BICRAL: variants seen among roughly 807,000 people sequenced by gnomAD.
BICRAL encodes BICRA like chromatin remodeling complex associated protein, also known as BRD4-interacting chromatin-remodeling complex-associated protein-like.
Under a neutral mutation model 91.8 loss-of-function variants are expected in BICRAL, and 8 were observed. The observed-to-expected ratio is 0.09, with a 90% CI of 0.05 to 0.16. BICRAL has a LOEUF of 0.16. BICRAL is among the 10% of genes least tolerant of loss of function. The pLI, the probability that BICRAL is intolerant of heterozygous loss-of-function variation, is 1.00. For missense variants in BICRAL, 1,038 were observed against 1,310.9 expected, an observed-to-expected ratio of 0.79 and a Z score of 3.21; for synonymous variants, 445 against 491.1, an observed-to-expected ratio of 0.91 and a Z score of 1.24.
At chr6:42,834,230 A>G (rs1281020528) in intron 6 of BICRAL, among the ~76,000 whole-genome samples, 2 of 152,224 alleles carry the variant, frequency 1.3e-5, no homozygotes, top group Admixed American at 6.5e-5. Context: ...CAGGATTGCC[A>G]CAGAAGTGAG....
intron 1 of BICRAL, among the ~76,000 whole-genome samples, chr6:42,798,703 G>GA (rs1473437072): frequency 1.3e-5 from 2 of 151,716 alleles, no homozygotes; most frequent in African/African-American, 2.4e-5. Context: ...CATAAAATCA[G>GA]AAAAAAAATT....
intron 1 of BICRAL, among the ~76,000 whole-genome samples, chr6:42,782,941 C>G (rs944407211): frequency 6.3e-5 from 9 of 142,710 alleles, no homozygotes; most frequent in African/African-American, 2.0e-4. Context: ...ATCACATTTT[C>G]TTTCTTCTCG....
At chr6:42,860,445 A>G in intron 11 of BICRAL, 89 bp downstream of exon 11, 2 of 744,850 alleles carry the variant, frequency 2.7e-6, no homozygotes, top group Non-Finnish European at 4.6e-6. Context: ...GAATTATAGA[A>G]TATAATGTAA....
In BICRAL at chr6:42,747,868, G is replaced by C. The variant is rs1376917664; in HGVS notation, c.-261+845G>C. ...GTTGCCCAGGCTGGAGTGCAATGGC[G>C]CGATCTCGGCTCACCGCTATCCGCC... is the stretch of plus-strand genomic sequence containing the variant. On this transcript the variant is annotated intron_variant, in intron 1 of 14. Coordinates refer to the BICRAL transcript ENST00000614467. 3.4e-5 allele frequency among the ~76,000 whole-genome samples: 5 copies of C among 148,354 alleles called. No homozygotes were observed. The East Asian group carries it at 1.0e-3, about 30-fold the overall frequency.
intron 6 of BICRAL, among the ~76,000 whole-genome samples, chr6:42,849,368 G>A (rs528380774): frequency 6.6e-6 from 1 of 152,024 alleles, no homozygotes; most frequent in South Asian, 2.1e-4. Flanking sequence ...TTACAGGCAT[G>A]AGTCACCACA....
At chr6:42,814,497 G>A (rs1362925757) in intron 2 of BICRAL, among the ~76,000 whole-genome samples, 18 of 71,738 alleles carry the variant, frequency 2.5e-4, no homozygotes, top group African/African-American at 1.3e-3. Context: ...GTGTGTGTGT[G>A]TGTATATATA....
intron 1 of BICRAL, among the ~76,000 whole-genome samples, chr6:42,804,116 G>A (rs1381575156): frequency 3.9e-5 from 6 of 152,114 alleles, no homozygotes; most frequent in Non-Finnish European, 5.9e-5. Flanking sequence ...TCTGCCTCCC[G>A]GGTTCAAGCG....
rs1238710562 is a variant in BICRAL at position 42,756,915 on chromosome 6, C to T, written c.-261+9892C>T. ...CTCTCTCTCTCTCTCTCTCTCTCTC[C>T]CTCTCCCCCCCCCCCACCCTCCCTC... On this transcript the variant is annotated intron_variant, in intron 1 of 14. Transcript: ENST00000614467. 1.1e-3 allele frequency among the ~76,000 whole-genome samples: 100 copies of T among 90,318 alleles called. 2 individuals carry two copies. The highest frequency in any genetic ancestry group is 2.5e-3 in the Admixed American group (22 of 8,930). The allele number at this position is 90,318 out of a possible 152,430, so 59.3% of individuals were successfully genotyped here. A position where few individuals can be genotyped will look rare whatever the true frequency, so the allele number is the denominator to read the frequency against.
chr6:42,758,370 G>T (rs865894170), intron 1 of BICRAL, among the ~76,000 whole-genome samples: 1 of 152,100 alleles, frequency 6.6e-6, no homozygotes. Flanking sequence ...TCTGGCCCGC[G>T]GTGTACCTCA....
Position 42,862,608 on chromosome 6 carries a change from C to A in BICRAL, c.2448C>A (p.Asp816Glu), listed in dbSNP as rs772284538. The A allele has an allele frequency of 1.1e-5, 17 of 1,580,132 alleles. No individual in the cohort carries two copies. In the South Asian group the frequency reaches 1.9e-4, roughly 17 times the overall value. ...LSRDKRLALV[D>E]PEGFQADFCC... ...GAGACAAGCGTTTGGCACTTGTAGACCCTGGTAAGAAACATCGCAGTGAAA... is the reference window on the plus strand; with the variant it reads ...GAGACAAGCGTTTGGCACTTGTAGAACCTGGTAAGAAACATCGCAGTGAAA... The change falls in exon 12 of 13, where the codon GAC becomes GAA. Residue 816 changes from aspartate to glutamate, a missense_variant. Around this residue, in one of 5 missense-constraint regions of BICRAL, gnomAD observed 294 missense variants for 292.6 expected, o/e 1.00. Coordinates refer to ENST00000314073, the MANE Select transcript of BICRAL (RefSeq NM_001393499.1).
chr6:42,789,500 G>A (rs1221540140), intron 1 of BICRAL, among the ~76,000 whole-genome samples: 1 of 151,972 alleles, frequency 6.6e-6, no homozygotes, highest in Admixed American at 6.6e-5. Context: ...AAAATAGCCA[G>A]GCATGGTGGC....
At chr6:42,813,974 A>C (rs1763908561) in intron 2 of BICRAL, among the ~76,000 whole-genome samples, 1 of 152,124 alleles carries the variant, frequency 6.6e-6, no homozygotes, top group Non-Finnish European at 1.5e-5. Context: ...GAAGTAGTAA[A>C]TATGTCAGTA....
At chr6:42,839,592 C>A (rs976078045) in intron 6 of BICRAL, among the ~76,000 whole-genome samples, 1 of 152,134 alleles carries the variant, frequency 6.6e-6, no homozygotes, top group South Asian at 2.1e-4. Context: ...ATCCCCACCC[C>A]CTTTGCCCCT....
chr6:42,786,821 C>G (rs985974542), intron 1 of BICRAL, among the ~76,000 whole-genome samples: 1 of 152,102 alleles, frequency 6.6e-6, no homozygotes, highest in African/African-American at 2.4e-5. Context: ...ACCTGGAAGG[C>G]TGGTTGTTAG....
At chr6:42,779,917 G>T (rs560886504), upstream of BICRAL, among the ~76,000 whole-genome samples, 115 of 152,136 alleles carry the variant, frequency 7.6e-4, no homozygotes, top group African/African-American at 2.7e-3. Flanking sequence ...CACCCAGCCA[G>T]ATCTTTTTTA....
intron 1 of BICRAL, among the ~76,000 whole-genome samples, chr6:42,758,843 A>G (rs1156925277): frequency 6.6e-6 from 1 of 152,040 alleles, no homozygotes; most frequent in Non-Finnish European, 1.5e-5. Context: ...GCACTTTTCT[A>G]GGTGTTGGGA....
chr6:42,771,449 TAGAA>T (rs900108618), intron 1 of BICRAL, among the ~76,000 whole-genome samples: 3 of 129,798 alleles, frequency 2.3e-5, no homozygotes, highest in Non-Finnish European at 4.6e-5. Context: ...GCTGCGCAGA[TAGAA>T]AGGCCTCTAT....
intron 12 of BICRAL, among the ~76,000 whole-genome samples, chr6:42,863,634 C>G (rs1174260877): frequency 7.9e-5 from 12 of 152,224 alleles, no homozygotes; most frequent in Admixed American, 7.9e-4. Flanking sequence ...AAGCCCCATT[C>G]CAGGCCCTTC....
intron 10 of BICRAL, among the ~76,000 whole-genome samples, chr6:42,859,536 G>C (rs1036912631): frequency 6.6e-6 from 1 of 152,062 alleles, no homozygotes; most frequent in Non-Finnish European, 1.5e-5. Context: ...CATTAAACTG[G>C]TTTACCTAGT....
Sources: gnomAD v4.1 joint callset for allele counts (sites outside exome capture counted in the v4.1 genomes callset) on GRCh38, gnomAD v4.1.1 for gene constraint, gnomAD v4.1.1 regional missense constraint, MANE v1.5 for transcripts, NCBI Gene and HGNC (gene_info 2026-07-23, HGNC 2026-07-21) for gene names.